The following KIAA1217 variants were observed in gnomAD, a reference collection of about 807,000 sequenced individuals.
The protein encoded by KIAA1217 is sickle tail protein homolog.
In KIAA1217, 88 loss-of-function variants were observed where a neutral mutation model predicts 163.9. That is an observed-to-expected ratio of 0.54 (90% CI 0.45 to 0.64). The LOEUF (loss-of-function observed/expected upper bound fraction) is 0.64. Among genes scored for constraint, KIAA1217 ranks in the 30% least tolerant of loss-of-function variants. The pLI is 0.00. For synonymous variants in KIAA1217, 903 were observed against 923.1 expected (o/e 0.98, Z 0.39); for missense variants, 2,372 against 2,475.0 (o/e 0.96, Z 0.88).
chr10:24,425,349 A>G (rs2059095282), intron 3 of KIAA1217, among the ~76,000 whole-genome samples: 1 of 152,188 alleles, frequency 6.6e-6, no homozygotes, highest in African/African-American at 2.4e-5. Context: ...AGGCCCCTCT[A>G]AATATAAATG....
rs145406190 is a variant in KIAA1217 at position 24,536,832 on chromosome 10, G to A, written c.3473G>A (p.Arg1158Gln). 1.2e-4 allele frequency: 190 copies of A among 1,613,920 alleles called. No homozygotes were observed. Among genetic ancestry groups the A allele is most frequent in the South Asian group, 4.8e-4 (44 of 91,064 alleles). The change falls in exon 17 of 21, where the codon CGG (arginine) becomes CAG (glutamine). Residue 1158 changes from arginine to glutamine, a missense_variant. By Grantham distance (43) the Arg-to-Gln change is conservative (BLOSUM62 1). Coordinates refer to ENST00000376454, the MANE Select transcript of KIAA1217 (RefSeq NM_019590.5). ...VNSNSHAEPS[R>Q]ADSHVKDTRS... ...TCAAACAGTCATGCTGAGCCATCCC[G>A]GGCTGACAGTCACGTTAAAGACACT...
intron 9 of KIAA1217, 117 bp downstream of exon 9, chr10:24,501,662 C>T: frequency 1.3e-6 from 1 of 784,370 alleles, no homozygotes; most frequent in Non-Finnish European, 2.0e-6. Context: ...AGCATGGCTT[C>T]CTCTCTCACA....
At position 24,050,766 on chromosome 10, in the gene KIAA1217, G is replaced by A. The variant is rs538462917; in HGVS notation, c.-171+43392G>A. ...TAAAATATCTAAGGAAAAAGCCAGA[G>A]TTAGTTGTTTTGGTCAAGACTAGAG... is the stretch of plus-strand genomic sequence containing the variant. On this transcript the variant is annotated intron_variant, in intron 2 of 18. Transcript: ENST00000376462. Among the ~76,000 whole-genome samples the A allele has an allele frequency of 5.9e-5, 9 of 152,216 alleles. No homozygotes were observed. The East Asian group carries it at 1.7e-3, about 29-fold the overall frequency.
At chr10:23,944,258 C>T (rs868836875) in intron 1 of KIAA1217, among the ~76,000 whole-genome samples, 4 of 152,026 alleles carry the variant, frequency 2.6e-5, no homozygotes, top group African/African-American at 9.7e-5. Flanking sequence ...AACCCCATAT[C>T]TACTAAAAAT....
chr10:23,929,312 T>G (rs1843155437), intron 1 of KIAA1217, among the ~76,000 whole-genome samples: 2 of 152,088 alleles, frequency 1.3e-5, no homozygotes, highest in Admixed American at 1.3e-4. Flanking sequence ...GGATTTTATT[T>G]TATTTTTTAT....
intron 5 of KIAA1217, among the ~76,000 whole-genome samples, chr10:24,451,596 G>C (rs1414244330): frequency 6.6e-6 from 1 of 152,204 alleles, no homozygotes; most frequent in Non-Finnish European, 1.5e-5. Flanking sequence ...TAAAATCCAG[G>C]ATTGGCTACA....
rs530064039 is a variant in KIAA1217 at position 24,247,532 on chromosome 10, C to T, written c.354+27623C>T. On this transcript the variant is annotated intron_variant, in intron 2 of 20. Transcript: ENST00000376454. ...AATTTCCAGGCTGGGCGTGGTGGCTCACGCTTGTAATCCCAGCACTTTGGG... is the reference window on the plus strand; with the variant it reads ...AATTTCCAGGCTGGGCGTGGTGGCTTACGCTTGTAATCCCAGCACTTTGGG... Among the ~76,000 whole-genome samples the T allele has an allele frequency of 4.9e-4, 75 of 152,336 alleles. 1 individual carries two copies. Among genetic ancestry groups the T allele is most frequent in the African/African-American group, 1.8e-3 (75 of 41,578 alleles).
chr10:24,240,316 C>A (rs963012786), intron 2 of KIAA1217, among the ~76,000 whole-genome samples: 21 of 152,274 alleles, frequency 1.4e-4, no homozygotes, highest in African/African-American at 5.1e-4. Flanking sequence ...AAGCGGAGTT[C>A]AGAATCATCG....
At chr10:24,292,618 A>T (rs12765104) in intron 2 of KIAA1217, among the ~76,000 whole-genome samples, 1 of 152,174 alleles carries the variant, frequency 6.6e-6, no homozygotes, top group African/African-American at 2.4e-5. Context: ...GTTGCACTTC[A>T]TATCTACTAT....
chr10:24,175,401 C>T (rs2065829236), intron 2 of KIAA1217, among the ~76,000 whole-genome samples: 1 of 151,948 alleles, frequency 6.6e-6, no homozygotes, highest in African/African-American at 2.4e-5. Flanking sequence ...GCCATTATTT[C>T]ACTCCTTTTT....
chr10:24,012,414 T>A (rs1407524343), intron 2 of KIAA1217, among the ~76,000 whole-genome samples: 1 of 152,146 alleles, frequency 6.6e-6, no homozygotes, highest in Non-Finnish European at 1.5e-5. Flanking sequence ...TCCTTGATCC[T>A]GCTAAAACTG....
intron 3 of KIAA1217, among the ~76,000 whole-genome samples, chr10:24,383,714 T>A (rs2053623418): frequency 6.6e-6 from 1 of 152,186 alleles, no homozygotes; most frequent in Non-Finnish European, 1.5e-5. Flanking sequence ...AGAAGTTTCT[T>A]GCCAAAGCCA....
At chr10:24,046,247 C>T (rs906978086) in intron 2 of KIAA1217, among the ~76,000 whole-genome samples, 2 of 152,032 alleles carry the variant, frequency 1.3e-5, no homozygotes, top group African/African-American at 2.4e-5. Context: ...ATGACGATGA[C>T]GATGATACCT....
At position 23,790,394 on chromosome 10, in the gene KIAA1217, T is replaced by C. The variant is rs370220309; in HGVS notation, c.-321+95160T>C. On this transcript the variant is annotated intron_variant, in intron 1 of 18. Transcript: ENST00000376462. ...ATACATATGTATATATACATATGTA[T>C]ATATACATATATACATATACATATA... 4.3e-4 allele frequency among the ~76,000 whole-genome samples: 44 copies of C among 102,344 alleles called. 8 individuals are homozygous for C. Among genetic ancestry groups the C allele is most frequent in the Non-Finnish European group, 7.7e-4 (39 of 50,616 alleles). 67.1% of individuals were successfully genotyped at this position (102,344 alleles called of 152,430 possible). A position where few individuals can be genotyped will look rare whatever the true frequency, so the allele number is the denominator to read the frequency against.
chr10:24,285,797 A>C (rs930838946), intron 2 of KIAA1217, among the ~76,000 whole-genome samples: 1 of 152,188 alleles, frequency 6.6e-6, no homozygotes, highest in African/African-American at 2.4e-5. Context: ...GGCAGTATGG[A>C]CATTTTAATA....
At chr10:23,886,678 T>C (rs1013480546) in intron 1 of KIAA1217, among the ~76,000 whole-genome samples, 1 of 152,026 alleles carries the variant, frequency 6.6e-6, no homozygotes, top group Non-Finnish European at 1.5e-5. Flanking sequence ...TTTGCATGTG[T>C]GCATTCTCTT....
intron 2 of KIAA1217, among the ~76,000 whole-genome samples, chr10:24,063,597 G>C (rs1357273115): frequency 6.6e-6 from 1 of 152,100 alleles, no homozygotes; most frequent in Non-Finnish European, 1.5e-5. Flanking sequence ...TTGTTCTTTT[G>C]GCTTAGGATT....
chr10:23,908,706 C>T (rs1842291186), intron 1 of KIAA1217, among the ~76,000 whole-genome samples: 1 of 152,108 alleles, frequency 6.6e-6, no homozygotes, highest in African/African-American at 2.4e-5. Context: ...GCAGTACCAC[C>T]TTACTCCTGC....
At chr10:24,321,664 A>G (rs2044177335) in intron 2 of KIAA1217, among the ~76,000 whole-genome samples, 1 of 152,194 alleles carries the variant, frequency 6.6e-6, no homozygotes, top group Non-Finnish European at 1.5e-5. Context: ...TAAGCCAGTC[A>G]CCAAAAAGAC....
Sources: allele counts gnomAD v4.1 joint callset (sites outside exome capture counted in the v4.1 genomes callset), GRCh38; gene constraint gnomAD v4.1.1; transcripts MANE v1.5; gene names NCBI Gene and HGNC (gene_info 2026-07-23, HGNC 2026-07-21).